The following GLB1L3 variants were observed in gnomAD, a reference collection of about 807,000 sequenced individuals.
The protein encoded by GLB1L3 is beta-galactosidase-1-like protein 3.
GLB1L3 carries 89 observed loss-of-function variants against 89.5 expected under a neutral mutation model. The observed-to-expected ratio is 0.99, with a 90% CI of 0.84 to 1.19. The LOEUF (loss-of-function observed/expected upper bound fraction) is 1.19. GLB1L3 is among the 50% of genes most tolerant of loss of function. The pLI, the probability that GLB1L3 is intolerant of heterozygous loss-of-function variation, is 0.00. For missense variants in GLB1L3, 812 were observed against 813.3 expected (o/e 1.00, Z 0.02); for synonymous variants, 314 against 312.3 (o/e 1.01, Z -0.06).
intron 9 of GLB1L3, among the ~76,000 whole-genome samples, chr11:134,303,630 C>G (rs767974052): frequency 6.6e-6 from 1 of 152,204 alleles, no homozygotes; most frequent in Non-Finnish European, 1.5e-5. Context: ...TCTGGCCACT[C>G]CATCAGATGC....
At chr11:134,286,683 A>C (rs1428092648) in intron 6 of GLB1L3, among the ~76,000 whole-genome samples, 1 of 151,324 alleles carries the variant, frequency 6.6e-6, no homozygotes, top group Non-Finnish European at 1.5e-5. Flanking sequence ...AGGCTGAGGC[A>C]GGAGAATGAC....
chr11:134,318,571 T>C (rs1801378179), intron 18 of GLB1L3, 60 bp from the exon 19 acceptor site: 1 of 1,014,624 alleles, frequency 9.9e-7, no homozygotes, highest in Non-Finnish European at 1.5e-6. Flanking sequence ...TCCAAGTGCC[T>C]TAGGTTTTAC....
intron 10 of GLB1L3, among the ~76,000 whole-genome samples, chr11:134,308,458 C>CCATCACCAT (rs1942467171): frequency 3.2e-5 from 1 of 31,500 alleles, no homozygotes; most frequent in Non-Finnish European, 6.0e-5. Context: ...ACCACCACCA[C>CCATCACCAT]CACCACCACC....
intron 12 of GLB1L3, 85 bp downstream of exon 12, chr11:134,310,736 C>G (rs1942688043): frequency 3.0e-6 from 3 of 1,006,952 alleles, no homozygotes; most frequent in South Asian, 1.4e-5. Context: ...GCGTGGGTCT[C>G]CCTTGTGGGC....
intron 3 of GLB1L3, among the ~76,000 whole-genome samples, chr11:134,279,126 ATCT>A (rs1216646976): frequency 6.6e-6 from 1 of 152,196 alleles, no homozygotes; most frequent in Admixed American, 6.5e-5. Context: ...AAGTGAGTAA[ATCT>A]TCTTTTCTTA....
At chr11:134,311,002 G>C in intron 12 of GLB1L3, 62 bp from the exon 13 acceptor site, 1 of 1,151,456 alleles carries the variant, frequency 8.7e-7, no homozygotes, top group Non-Finnish European at 1.3e-6. Context: ...AGGCATGGGG[G>C]GCTTAGAGAA....
At position 134,313,453 on chromosome 11, in the gene GLB1L3, C is replaced by G; in HGVS notation, c.1558C>G (p.Gln520Glu). 1 of 1,568,668 alleles carries G rather than the reference C, an allele frequency of 6.4e-7. No homozygotes were observed. Among genetic ancestry groups the G allele is most frequent in the Non-Finnish European group, 8.7e-7 (1 of 1,155,492 alleles). Residue 520 changes from glutamine (Q) to glutamate (E), a missense_variant, in exon 16 of 20, where the codon CAA becomes GAA. Physicochemically the swap from Gln to Glu is conservative, Grantham distance 29. Around this residue, in one of 3 missense-constraint regions of GLB1L3, gnomAD observed 618 missense variants for 604.0 expected, o/e 1.02. Transcript: ENST00000431683. ...ENQGRVNFSW[Q>E]IQNEQKGITG... ...TCAAGGACGAGTCAATTTTTCATGG[C>G]AAATACAGAATGAGCAGAAAGGTGG... is the stretch of plus-strand genomic sequence containing the variant.
chr11:134,300,625 C>T (rs1020046627), intron 9 of GLB1L3, among the ~76,000 whole-genome samples: 10 of 152,038 alleles, frequency 6.6e-5, no homozygotes, highest in South Asian at 2.1e-4. Context: ...TGAGCCACCG[C>T]GCCCGGCCCC....
intron 9 of GLB1L3, among the ~76,000 whole-genome samples, chr11:134,300,096 C>T (rs540387424): frequency 5.1e-4 from 78 of 152,276 alleles, no homozygotes; most frequent in African/African-American, 1.7e-3. Flanking sequence ...GGACCATAGA[C>T]TGTGTGGCTT....
Position 134,319,492 on chromosome 11 carries a change from A to G in GLB1L3, c.*550A>G, listed in dbSNP as rs1943123992. 6.6e-6 allele frequency: 1 copy of G among 152,318 alleles called. No homozygotes were observed. Among genetic ancestry groups the G allele is most frequent in the African/African-American group, 2.4e-5 (1 of 41,450 alleles). The allele number at this position is 152,318 out of a possible 1,614,324, so 9.4% of individuals were successfully genotyped here. ...ACTGATTTATCTAGTTAAATGCTTA[A>G]TCCTTAGCAGGCTCTTATTCTTTAA... On this transcript the variant is annotated 3_prime_UTR_variant, in exon 20 of 20. Coordinates refer to ENST00000431683, the MANE Select transcript of GLB1L3 (RefSeq NM_001080407.3).
upstream of GLB1L3, chr11:134,276,077 G>C (rs1015785338): frequency 1.3e-5 from 2 of 152,850 alleles, no homozygotes; most frequent in African/African-American, 4.8e-5. Flanking sequence ...TCTGCCTCCT[G>C]CAGGTCCCGC....
At chr11:134,317,543 C>T (rs1943037621) in intron 18 of GLB1L3, among the ~76,000 whole-genome samples, 1 of 152,096 alleles carries the variant, frequency 6.6e-6, no homozygotes, top group Non-Finnish European at 1.5e-5. Context: ...TTCTTAAATG[C>T]ATTATAGTCT....
intron 3 of GLB1L3, 125 bp from the exon 4 acceptor site, chr11:134,281,252 C>A: frequency 9.3e-7 from 1 of 1,076,252 alleles, no homozygotes; most frequent in Non-Finnish European, 1.4e-6. Flanking sequence ...TTAATTTCCA[C>A]TGGTAACTTC....
intron 10 of GLB1L3, among the ~76,000 whole-genome samples, chr11:134,308,317 CCACCAT>C (rs1326142370): frequency 5.4e-5 from 3 of 56,002 alleles, no homozygotes; most frequent in South Asian, 8.5e-4. Context: ...ACCACTACCA[CCACCAT>C]CACCATCACC....
At chr11:134,315,787 ATTATCT>A (rs1357669702) in intron 18 of GLB1L3, among the ~76,000 whole-genome samples, 1 of 152,064 alleles carries the variant, frequency 6.6e-6, no homozygotes, top group Non-Finnish European at 1.5e-5. Context: ...TGATTCTGTC[ATTATCT>A]TTATTATTTT....
chr11:134,284,175 A>C (rs1940857011), intron 6 of GLB1L3, among the ~76,000 whole-genome samples: 1 of 152,172 alleles, frequency 6.6e-6, no homozygotes, highest in Non-Finnish European at 1.5e-5. Flanking sequence ...AGAAGGTACA[A>C]ATGAATTTTT....
In GLB1L3 at chr11:134,290,573, C is replaced by CA. The variant is rs1312501270; in HGVS notation, c.730-1559_730-1558insA. Among the ~76,000 whole-genome samples, 8 of 112,914 alleles carry CA rather than the reference C, an allele frequency of 7.1e-5. 1 individual carries two copies. Among genetic ancestry groups the CA allele is most frequent in the Non-Finnish European group, 1.4e-4 (7 of 49,956 alleles). 74.1% of individuals were successfully genotyped at this position (112,914 alleles called of 152,430 possible). ...GGGTGACAGAGTGAGACTCGTCCCC[C>CA]CCCGCCAAAAAAAAAGAAAAGAAAA... On this transcript the variant is annotated intron_variant, in intron 7 of 19. Coordinates refer to ENST00000431683, the MANE Select transcript of GLB1L3 (RefSeq NM_001080407.3).
intron 16 of GLB1L3, 63 bp from the exon 17 acceptor site, chr11:134,313,878 G>T (rs1942863965): frequency 7.5e-6 from 8 of 1,062,792 alleles, no homozygotes; most frequent in Non-Finnish European, 1.1e-5. Context: ...CTTTGTCCCA[G>T]ATGCTAGAGA....
At chr11:134,305,278 C>G (rs1942144507) in intron 9 of GLB1L3, 1 of 685,308 alleles carries the variant, frequency 1.5e-6, no homozygotes, top group Non-Finnish European at 2.7e-6. Context: ...GCACCCTATT[C>G]TGTAACTGAT....
Sources: allele counts gnomAD v4.1 joint callset (sites outside exome capture counted in the v4.1 genomes callset), GRCh38; gene constraint gnomAD v4.1.1; regional missense constraint gnomAD v4.1.1; transcripts MANE v1.5; gene names NCBI Gene and HGNC (gene_info 2026-07-23, HGNC 2026-07-21).